Variants in FRMD4A observed in about 807,000 individuals in gnomAD.
FRMD4A encodes FERM domain containing 4A.
In FRMD4A, 29 loss-of-function variants were observed where a neutral mutation model predicts 129.1. That is an observed-to-expected ratio of 0.22 (90% CI 0.17 to 0.31). The LOEUF is 0.31. FRMD4A is among the 10% of genes least tolerant of loss of function. The pLI is 1.00. For synonymous variants in FRMD4A, 634 were observed against 571.6 expected (o/e 1.11, Z -1.56); for missense variants, 1,272 against 1,375.8 (o/e 0.92, Z 1.19).
At chr10:13,936,902 A>T (rs1002128435) in intron 2 of FRMD4A, among the ~76,000 whole-genome samples, 1 of 152,192 alleles carries the variant, frequency 6.6e-6, no homozygotes, top group African/African-American at 2.4e-5. Context: ...CACTCGTGTT[A>T]ACTAAGCTTT....
chr10:14,115,581 T>C (rs1022600466), intron 2 of FRMD4A, among the ~76,000 whole-genome samples: 2 of 152,086 alleles, frequency 1.3e-5, no homozygotes, highest in African/African-American at 2.4e-5. Context: ...TGGTGGGAGA[T>C]GTTTGGATCA....
intron 15 of FRMD4A, among the ~76,000 whole-genome samples, chr10:13,678,595 T>C (rs947947459): frequency 9.2e-5 from 14 of 152,248 alleles, no homozygotes; most frequent in South Asian, 8.3e-4. Flanking sequence ...AACATGAGCA[T>C]GTGTGCGCAC....
intron 2 of FRMD4A, among the ~76,000 whole-genome samples, chr10:14,006,908 C>T (rs1265360509): frequency 1.3e-5 from 2 of 152,096 alleles, no homozygotes; most frequent in Admixed American, 6.6e-5. Context: ...AAAATAAAGA[C>T]CGACACACAA....
At chr10:14,182,392 A>G in intron 2 of FRMD4A, among the ~76,000 whole-genome samples, 1 of 152,172 alleles carries the variant, frequency 6.6e-6, no homozygotes, top group East Asian at 1.9e-4. Context: ...ATAAAAAATA[A>G]TAATAATAGC....
intron 6 of FRMD4A, among the ~76,000 whole-genome samples, chr10:13,771,331 C>T (rs1045805129): frequency 6.6e-6 from 1 of 152,206 alleles, no homozygotes; most frequent in South Asian, 2.1e-4. Flanking sequence ...CCTTGGCCTC[C>T]CAAAGTGCTG....
intron 2 of FRMD4A, among the ~76,000 whole-genome samples, chr10:14,128,808 A>G (rs1839069968): frequency 6.6e-6 from 1 of 152,144 alleles, no homozygotes; most frequent in South Asian, 2.1e-4. Flanking sequence ...CACTTTCAGC[A>G]TGGCCTCAGC....
At chr10:13,984,322 T>C (rs2095573474) in intron 2 of FRMD4A, among the ~76,000 whole-genome samples, 2 of 152,230 alleles carry the variant, frequency 1.3e-5, no homozygotes, top group Admixed American at 1.3e-4. Context: ...TGGAAGCACC[T>C]ACCTGTGGGC....
intron 2 of FRMD4A, among the ~76,000 whole-genome samples, chr10:14,095,282 C>T (rs1836890319): frequency 6.6e-6 from 1 of 152,160 alleles, no homozygotes; most frequent in Non-Finnish European, 1.5e-5. Flanking sequence ...GTTTCTCTCC[C>T]CAGGAACGAG....
intron 12 of FRMD4A, among the ~76,000 whole-genome samples, chr10:13,728,578 T>TTTTTTTTTTTTTTTG (rs2090085615): frequency 1.5e-5 from 2 of 130,276 alleles, no homozygotes; most frequent in South Asian, 5.6e-4. Context: ...CCATTCTTTT[T>TTTTTTTTTTTTTTTG]TTTTTTTTTT....
At chr10:13,808,997 G>A (rs1020668049) in intron 4 of FRMD4A, among the ~76,000 whole-genome samples, 1 of 152,110 alleles carries the variant, frequency 6.6e-6, no homozygotes, top group East Asian at 1.9e-4. Context: ...ACGCACACAC[G>A]CATGCACGCA....
chr10:13,889,818 T>C (rs1229293080), intron 2 of FRMD4A, among the ~76,000 whole-genome samples: 1 of 152,232 alleles, frequency 6.6e-6, no homozygotes, highest in South Asian at 2.1e-4. Context: ...CACCAGTCAT[T>C]ACTTCTTTCT....
intron 2 of FRMD4A, among the ~76,000 whole-genome samples, chr10:14,321,194 T>A (rs928804120): frequency 6.6e-6 from 1 of 152,072 alleles, no homozygotes; most frequent in African/African-American, 2.4e-5. Context: ...GTTAAATGAA[T>A]GGATGAATGA....
At chr10:13,935,496 G>A (rs1025830212) in intron 2 of FRMD4A, among the ~76,000 whole-genome samples, 4 of 122,558 alleles carry the variant, frequency 3.3e-5, no homozygotes, top group African/African-American at 9.2e-5. Flanking sequence ...AATGATCAAC[G>A]ATTTTCCAGA....
chr10:14,220,290 C>G (rs1282823370), intron 2 of FRMD4A, among the ~76,000 whole-genome samples: 11 of 152,220 alleles, frequency 7.2e-5, no homozygotes. Flanking sequence ...TTATATGGCC[C>G]CACTTCGGGA....
chr10:14,303,121 G>A (rs149461256), intron 2 of FRMD4A, among the ~76,000 whole-genome samples: 108 of 152,284 alleles, frequency 7.1e-4, no homozygotes, highest in African/African-American at 2.2e-3. Flanking sequence ...GAAAAACGCC[G>A]ATGCTCACAT....
At chr10:14,299,827 C>T (rs1363237965) in intron 2 of FRMD4A, among the ~76,000 whole-genome samples, 4 of 152,130 alleles carry the variant, frequency 2.6e-5, no homozygotes, top group African/African-American at 7.2e-5. Flanking sequence ...TAGAAGAATA[C>T]AGTATGTGTA....
At chr10:14,240,281 G>A (rs1283041206) in intron 2 of FRMD4A, among the ~76,000 whole-genome samples, 1 of 152,156 alleles carries the variant, frequency 6.6e-6, no homozygotes, top group Non-Finnish European at 1.5e-5. Flanking sequence ...ACAGGCTGCT[G>A]CATGACGGCC....
rs1225472550 is a variant in FRMD4A at position 14,053,120 on chromosome 10, T to C, written c.46-194208A>G. On this transcript the variant is annotated intron_variant, in intron 2 of 24. Coordinates refer to ENST00000357447, the MANE Select transcript of FRMD4A (RefSeq NM_018027.5). The stretch of plus-strand genomic sequence containing the variant: ...TACGTGAGCAAACGTTTTGAAGGGT[T>C]TCTACGGAGATGGTGGGGCCAGGAC... Among the ~76,000 whole-genome samples the C allele has an allele frequency of 4.6e-5, 7 of 152,338 alleles. No homozygotes were observed. In the East Asian group the frequency reaches 1.3e-3, roughly 29 times the overall value.
chr10:14,091,460 A>G (rs1836658173), intron 2 of FRMD4A, among the ~76,000 whole-genome samples: 2 of 152,138 alleles, frequency 1.3e-5, no homozygotes, highest in Admixed American at 1.3e-4. Flanking sequence ...TTTGAGACGG[A>G]GTCCCACTCT....
Sources: allele counts gnomAD v4.1 joint callset (sites outside exome capture counted in the v4.1 genomes callset), GRCh38; gene constraint gnomAD v4.1.1; transcripts MANE v1.5; gene names NCBI Gene and HGNC (gene_info 2026-07-23, HGNC 2026-07-21).